The following FRMPD4 variants were observed in gnomAD, a reference collection of about 807,000 sequenced individuals.
FRMPD4 encodes FERM and PDZ domain-containing protein 4.
A neutral mutation model predicts 94.1 loss-of-function variants in FRMPD4; 22 were observed. The observed-to-expected ratio is 0.23, with a 90% CI of 0.17 to 0.33. The LOEUF (loss-of-function observed/expected upper bound fraction) is 0.33, where lower values mean the gene tolerates loss of function less well. Ranked by LOEUF, FRMPD4 falls within the 10% of genes least tolerant of loss-of-function variation. The probability of loss-of-function intolerance (pLI) is 1.00; values close to 1 mark genes in which losing one functional copy is unlikely to be tolerated. For missense variants in FRMPD4, 1,111 were observed against 1,339.9 expected (o/e 0.83, Z 2.67); for synonymous variants, 631 against 548.6 (o/e 1.15, Z -2.10).
chrX:12,280,703 C>T (rs2054511550), intron 1 of FRMPD4, among the ~76,000 whole-genome samples: 1 of 111,663 alleles, frequency 9.0e-6, no homozygotes, highest in Non-Finnish European at 1.9e-5. Flanking sequence ...TTGACACCCT[C>T]ATTGGGGGTC....
chrX:12,345,528 G>T (rs1014258931), intron 1 of FRMPD4, among the ~76,000 whole-genome samples: 1 of 111,664 alleles, frequency 9.0e-6, no homozygotes, highest in African/African-American at 3.3e-5. Context: ...TGTCAACCAG[G>T]GCTAATGATG....
chrX:12,007,051 G>T (rs1358437342), intron 3 of FRMPD4, among the ~76,000 whole-genome samples: 1 of 111,986 alleles, frequency 8.9e-6, no homozygotes, highest in African/African-American at 3.2e-5. Context: ...TGGGCTTCGT[G>T]ATTGCTTAAA....
chrX:12,497,573 A>G (rs1267540314), intron 1 of FRMPD4, among the ~76,000 whole-genome samples: 4 of 110,663 alleles, frequency 3.6e-5, no homozygotes, highest in Non-Finnish European at 5.7e-5. Context: ...TCAATGGGCC[A>G]CAGATAATCC....
chrX:11,899,119 G>C (rs1413350328), intron 3 of FRMPD4, among the ~76,000 whole-genome samples: 1 of 112,019 alleles, frequency 8.9e-6, no homozygotes, highest in East Asian at 2.8e-4. Context: ...AATTTGTAGG[G>C]CATTTTGTAT....
At chrX:12,565,379 T>A (rs1441718926) in intron 2 of FRMPD4, among the ~76,000 whole-genome samples, 1 of 111,728 alleles carries the variant, frequency 9.0e-6, no homozygotes, top group Non-Finnish European at 1.9e-5. Flanking sequence ...TGGCAAGCAC[T>A]ACCTTAGCCA....
intron 1 of FRMPD4, among the ~76,000 whole-genome samples, chrX:11,864,852 T>C (rs5935175): frequency 0.048 from 5,331 of 111,545 alleles, 130 homozygotes; most frequent in African/African-American, 0.098. Flanking sequence ...TAAATGTTCT[T>C]GTGCAGAAAA....
intron 4 of FRMPD4, among the ~76,000 whole-genome samples, chrX:12,630,051 T>C (rs2059381729): frequency 8.9e-6 from 1 of 112,496 alleles, no homozygotes; most frequent in Non-Finnish European, 1.9e-5. Flanking sequence ...AACTTGACTT[T>C]GGGGACACAT....
chrX:12,670,966 C>T (rs181866509), intron 4 of FRMPD4, among the ~76,000 whole-genome samples: 2 of 112,477 alleles, frequency 1.8e-5, no homozygotes, highest in Admixed American at 9.4e-5. Context: ...GATATTTATG[C>T]GGCCAACAAA....
At chrX:12,413,584 A>G in intron 1 of FRMPD4, among the ~76,000 whole-genome samples, 1 of 112,344 alleles carries the variant, frequency 8.9e-6, no homozygotes, top group Admixed American at 9.4e-5. Flanking sequence ...TACACCAAGT[A>G]AATGCTACAG....
intron 1 of FRMPD4, among the ~76,000 whole-genome samples, chrX:12,434,808 T>G (rs749372420): frequency 8.9e-6 from 1 of 112,665 alleles, no homozygotes; most frequent in African/African-American, 3.2e-5. Flanking sequence ...AGCCACAAGG[T>G]TCAGGCATTC....
At chrX:12,651,954 A>G (rs765219503) in intron 4 of FRMPD4, among the ~76,000 whole-genome samples, 1 of 112,313 alleles carries the variant, frequency 8.9e-6, no homozygotes, top group Non-Finnish European at 1.9e-5. Flanking sequence ...CAAATTCCAA[A>G]TTTGTATTGG....
intron 1 of FRMPD4, among the ~76,000 whole-genome samples, chrX:12,373,925 G>T (rs1421910587): frequency 8.9e-6 from 1 of 112,019 alleles, no homozygotes; most frequent in Non-Finnish European, 1.9e-5. Flanking sequence ...GGCAGTTCTG[G>T]CAGGCTGCAT....
chrX:12,449,417 A>AAGAT (rs2148134140), intron 1 of FRMPD4, among the ~76,000 whole-genome samples: 1 of 112,059 alleles, frequency 8.9e-6, no homozygotes, highest in East Asian at 2.8e-4. Context: ...CTCAAAATAT[A>AAGAT]AGATACTGTT....
chrX:12,167,000 C>A (rs539994860), intron 1 of FRMPD4, among the ~76,000 whole-genome samples: 1 of 111,136 alleles, frequency 9.0e-6, no homozygotes, highest in African/African-American at 3.3e-5. Flanking sequence ...TTCAATGAAA[C>A]CAGCTCCTGG....
intron 1 of FRMPD4, among the ~76,000 whole-genome samples, chrX:12,434,299 T>C (rs1021822018): frequency 8.9e-6 from 1 of 112,113 alleles, no homozygotes; most frequent in African/African-American, 3.2e-5. Flanking sequence ...CCTAAGTTAA[T>C]GTAAAGGGTT....
At chrX:11,856,701 G>A (rs1459248877) in intron 1 of FRMPD4, among the ~76,000 whole-genome samples, 1 of 111,780 alleles carries the variant, frequency 8.9e-6, no homozygotes, top group African/African-American at 3.3e-5. Flanking sequence ...TGAAAGTTCT[G>A]GTCTGGACAA....
intron 2 of FRMPD4, among the ~76,000 whole-genome samples, chrX:12,607,883 A>T (rs1429722213): frequency 8.9e-6 from 1 of 112,354 alleles, no homozygotes; most frequent in Non-Finnish European, 1.9e-5. Flanking sequence ...TATATACCTA[A>T]AGGAAAGATC....
chrX:12,061,991 A>T (rs943432118), intron 3 of FRMPD4, among the ~76,000 whole-genome samples: 1 of 112,121 alleles, frequency 8.9e-6, no homozygotes, highest in Admixed American at 9.5e-5. Flanking sequence ...AGACACAAAT[A>T]AATAAGTCTC....
At chrX:11,859,696 T>C (rs1407034310) in intron 1 of FRMPD4, among the ~76,000 whole-genome samples, 1 of 112,192 alleles carries the variant, frequency 8.9e-6, no homozygotes, top group Non-Finnish European at 1.9e-5. Flanking sequence ...AATTTTGCTT[T>C]TTGGGTTATT....
Sources: gnomAD v4.1 joint callset for allele counts (sites outside exome capture counted in the v4.1 genomes callset) on GRCh38, gnomAD v4.1.1 for gene constraint, MANE v1.5 for transcripts, NCBI Gene and HGNC (gene_info 2026-07-23, HGNC 2026-07-21) for gene names.